The following ZCWPW2 variants were observed in gnomAD, a reference collection of about 807,000 sequenced individuals.
The protein encoded by ZCWPW2 is zinc finger CW-type and PWWP domain containing 2.
A neutral mutation model predicts 46.6 loss-of-function variants in ZCWPW2; 45 were observed. The ratio of observed to expected loss-of-function variants is 0.96; its 90% CI spans 0.76 to 1.24. The LOEUF is 1.24. Ranked by LOEUF, ZCWPW2 falls within the 50% of genes most tolerant of loss-of-function variation. The pLI is 0.00. For synonymous variants in ZCWPW2, 152 were observed against 137.1 expected, an observed-to-expected ratio of 1.11 and a Z score of -0.76; for missense variants, 429 against 403.9, an observed-to-expected ratio of 1.06 and a Z score of -0.53.
chr3:28,390,664 A>C lies in ZCWPW2; in HGVS notation c.-14+47A>C, dbSNP rs1695451247. ...AAATGTTTTTCTCTAGTACATAAGC[A>C]TTTTTATTCCCATCACTGTTCTCTA... On this transcript the variant is annotated intron_variant, in intron 2 of 9. Transcript: ENST00000383768. 3.0e-6 allele frequency: 3 copies of C among 984,230 alleles called. No individual in the cohort carries two copies. The Admixed American group carries it at 1.8e-4, about 61-fold the overall frequency. 61.0% of individuals were successfully genotyped at this position (984,230 alleles called of 1,614,324 possible).
At chr3:28,376,410 C>G (rs953253913) in intron 1 of ZCWPW2, among the ~76,000 whole-genome samples, 6 of 152,068 alleles carry the variant, frequency 3.9e-5, no homozygotes, top group Non-Finnish European at 8.8e-5. Context: ...ACAGATTGCT[C>G]TAGCTATTTT....
intron 3 of ZCWPW2, among the ~76,000 whole-genome samples, chr3:28,417,384 A>G (rs1696636321): frequency 6.6e-6 from 1 of 152,110 alleles, no homozygotes; most frequent in South Asian, 2.1e-4. Flanking sequence ...TAGTTTAGCA[A>G]CCAAAAAAAG....
chr3:28,404,256 G>T (rs144791925), intron 2 of ZCWPW2, among the ~76,000 whole-genome samples: 39 of 150,520 alleles, frequency 2.6e-4, no homozygotes, highest in African/African-American at 8.7e-4. Flanking sequence ...ATATACAAAT[G>T]ACCAACAAAC....
At chr3:28,450,144 C>T (rs1257706152) in intron 4 of ZCWPW2, among the ~76,000 whole-genome samples, 1 of 152,156 alleles carries the variant, frequency 6.6e-6, no homozygotes, top group Non-Finnish European at 1.5e-5. Context: ...GAGAGAACCT[C>T]TGATTAAGTT....
chr3:28,443,235 A>G (rs1346962847), intron 4 of ZCWPW2, among the ~76,000 whole-genome samples: 2 of 152,098 alleles, frequency 1.3e-5, no homozygotes, highest in Non-Finnish European at 2.9e-5. Context: ...AGTCCCTGAA[A>G]TTTCTGATCA....
intron 9 of ZCWPW2, among the ~76,000 whole-genome samples, chr3:28,523,555 T>C (rs1164072960): frequency 6.6e-6 from 1 of 152,148 alleles, no homozygotes. Flanking sequence ...CCTGAGCATG[T>C]TGATTCTCTG....
At chr3:28,516,969 G>A (rs1479805042) in intron 8 of ZCWPW2, among the ~76,000 whole-genome samples, 6 of 152,118 alleles carry the variant, frequency 3.9e-5, no homozygotes, top group Non-Finnish European at 7.4e-5. Flanking sequence ...CTATGATCAC[G>A]CCACTGCACT....
At chr3:28,395,780 G>C (rs898820869) in intron 2 of ZCWPW2, among the ~76,000 whole-genome samples, 1 of 152,056 alleles carries the variant, frequency 6.6e-6, no homozygotes, top group African/African-American at 2.4e-5. Context: ...TGATCAAAGA[G>C]TACAAACTTG....
At chr3:28,478,980 AT>A (rs748629462) in intron 5 of ZCWPW2, 49 bp downstream of exon 5, 1 of 1,247,424 alleles carries the variant, frequency 8.0e-7, no homozygotes, top group Non-Finnish European at 1.1e-6. Context: ...ATTTATTCAA[AT>A]GCATGTTTTC....
chr3:28,356,091 C>T (rs1462575958), intron 1 of ZCWPW2, among the ~76,000 whole-genome samples: 1 of 152,146 alleles, frequency 6.6e-6, no homozygotes, highest in East Asian at 1.9e-4. Flanking sequence ...AAAATTTTTG[C>T]AATCTACTCA....
rs1704401235 is a variant in ZCWPW2 at position 28,348,915 on chromosome 3, C to G, written c.-422C>G. 2.0e-6 allele frequency: 2 copies of G among 981,156 alleles called. No homozygotes were observed. Among genetic ancestry groups the G allele is most frequent in the African/African-American group, 1.8e-5 (1 of 57,142 alleles). 60.8% of individuals were successfully genotyped at this position (981,156 alleles called of 1,614,324 possible). The stretch of plus-strand genomic sequence containing the variant: ...GCGAGACCCAGGCCCGCCGTCGGGA[C>G]CAGCACGGGCCGGAGGGAGGGGAAG... On this transcript the variant is annotated 5_prime_UTR_variant, in exon 1 of 10. Coordinates refer to ENST00000383768, the MANE Select transcript of ZCWPW2 (RefSeq NM_001040432.4).
chr3:28,403,351 C>T (rs566373885), intron 2 of ZCWPW2, among the ~76,000 whole-genome samples: 2 of 152,112 alleles, frequency 1.3e-5, no homozygotes, highest in African/African-American at 4.8e-5. Context: ...AGGTGAAAGA[C>T]CTCTGCAAGG....
chr3:28,451,930 A>G (rs7642709), intron 4 of ZCWPW2, among the ~76,000 whole-genome samples: 3,215 of 152,300 alleles, frequency 0.021, 115 homozygotes, highest in African/African-American at 0.064. Context: ...GCAAAATTTT[A>G]TTAAACTAAT....
chr3:28,422,531 TC>T (rs1696835221), intron 3 of ZCWPW2, among the ~76,000 whole-genome samples: 1 of 152,202 alleles, frequency 6.6e-6, no homozygotes, highest in South Asian at 2.1e-4. Context: ...CTCTTCCATG[TC>T]CTTTTATGGC....
At chr3:28,501,049 A>T (rs913470295) in intron 6 of ZCWPW2, among the ~76,000 whole-genome samples, 1 of 152,134 alleles carries the variant, frequency 6.6e-6, no homozygotes, top group African/African-American at 2.4e-5. Context: ...CTATTACTAT[A>T]GTTTTCTTTC....
At chr3:28,469,788 A>T (rs1034818667) in intron 4 of ZCWPW2, among the ~76,000 whole-genome samples, 3 of 152,024 alleles carry the variant, frequency 2.0e-5, no homozygotes, top group Non-Finnish European at 4.4e-5. Context: ...AGCAAATATT[A>T]TTAAAGCTAA....
chr3:28,511,443 ATCTG>A (rs1700423105), intron 6 of ZCWPW2, among the ~76,000 whole-genome samples: 2 of 152,220 alleles, frequency 1.3e-5, no homozygotes, highest in Admixed American at 1.3e-4. Flanking sequence ...GACAGGCATT[ATCTG>A]TCTATCCAAG....
chr3:28,432,516 A>G (rs1328558628), intron 3 of ZCWPW2, among the ~76,000 whole-genome samples: 1 of 152,176 alleles, frequency 6.6e-6, no homozygotes, highest in Non-Finnish European at 1.5e-5. Flanking sequence ...ATCATAGCTT[A>G]CTGACCTTAT....
At chr3:28,435,393 T>A in intron 4 of ZCWPW2, 124 bp downstream of exon 4, 1 of 784,580 alleles carries the variant, frequency 1.3e-6, no homozygotes, top group Non-Finnish European at 1.8e-6. Context: ...GCTGTTTATT[T>A]AATTCAAATA....
Sources: gnomAD v4.1 joint callset for allele counts (sites outside exome capture counted in the v4.1 genomes callset) on GRCh38, gnomAD v4.1.1 for gene constraint, MANE v1.5 for transcripts, NCBI Gene and HGNC (gene_info 2026-07-23, HGNC 2026-07-21) for gene names.